CT83: variants seen among roughly 807,000 people sequenced by gnomAD.
The protein encoded by CT83 is kita-kyushu lung cancer antigen 1.
A neutral mutation model predicts 1.7 loss-of-function variants in CT83; 3 were observed. That is an observed-to-expected ratio of 1.76 (90% CI 0.80 to 4.55). The LOEUF (loss-of-function observed/expected upper bound fraction) is 4.55. Among genes scored for constraint, CT83 ranks in the 30% most tolerant of loss-of-function variants. The pLI is 0.02. For synonymous variants in CT83, 35 were observed against 33.0 expected (o/e 1.06, Z -0.20); for missense variants, 80 against 84.8 (o/e 0.94, Z 0.22).
chrX:116,461,716 C>T lies in CT83; in HGVS notation c.*25G>A. The T allele has an allele frequency of 6.7e-6, 8 of 1,199,522 alleles. No individual in the cohort carries two copies. Among genetic ancestry groups the T allele is most frequent in the Non-Finnish European group, 9.0e-6 (8 of 887,231 alleles). ...TCAAAGTGTCTTTAATGATTTCCAC[C>T]ACTGGCATTACATCCTGTACGCTTT... is the stretch of plus-strand genomic sequence containing the variant. On this transcript the variant is annotated 3_prime_UTR_variant, in exon 2 of 2. Coordinates refer to ENST00000371894, the MANE Select transcript of CT83 (RefSeq NM_001017978.4).
Position 116,461,914 on chromosome X carries a change from G to A in CT83, c.169C>T (p.Leu57Phe). The A allele has an allele frequency of 1.7e-6, 2 of 1,209,328 alleles. No individual in the cohort carries two copies. The highest frequency in any genetic ancestry group is 2.2e-6 in the Non-Finnish European group (2 of 893,309). The change falls in exon 2 of 2, where the codon CTT becomes TTT. Residue 57 changes from leucine to phenylalanine, a missense_variant. Coordinates refer to ENST00000371894, the MANE Select transcript of CT83 (RefSeq NM_001017978.4). ...GLINSNTDNN[L>F]AVYDLSRDIL... Reference sequence around the variant, plus strand: ...TCCCGAGAGAGGTCGTAGACTGCAAGATTGTTGTCTGTATTGCTGTTAATT... The same window carrying A: ...TCCCGAGAGAGGTCGTAGACTGCAAAATTGTTGTCTGTATTGCTGTTAATT...
chrX:116,461,700 C>A lies in CT83; in HGVS notation c.*41G>T. ...AATCAAATGAATCTACTCAAAGTGT[C>A]TTTAATGATTTCCACCACTGGCATT... On this transcript the variant is annotated 3_prime_UTR_variant, in exon 2 of 2. Transcript: ENST00000371894. The A allele has an allele frequency of 8.4e-7, 1 of 1,190,266 alleles. No homozygotes were observed. The highest frequency in any genetic ancestry group is 1.1e-6 in the Non-Finnish European group (1 of 880,035).
In CT83 at chrX:116,462,885, C is replaced by G. The variant is rs782586725; in HGVS notation, c.-29G>C. On this transcript the variant is annotated 5_prime_UTR_variant, in exon 1 of 2. Coordinates refer to ENST00000371894, the MANE Select transcript of CT83 (RefSeq NM_001017978.4). ...TCCTCTTCGGCCTCTTCTCCCTTCT[C>G]GGGACGGACCCCCTCAGCTGGTAGT... 8.4e-7 allele frequency: 1 copy of G among 1,185,502 alleles called. No individual in the cohort carries two copies. The highest frequency in any genetic ancestry group is 1.8e-5 in the African/African-American group (1 of 56,757).
At chrX:116,462,579 G>C (rs893767314) in intron 1 of CT83, among the ~76,000 whole-genome samples, 6 of 111,620 alleles carry the variant, frequency 5.4e-5, no homozygotes, top group Non-Finnish European at 7.5e-5. Context: ...GAAGAGACCA[G>C]AACTGTCGAA....
At chrX:116,462,721 C>A in intron 1 of CT83, 61 bp downstream of exon 1, 1 of 1,076,697 alleles carries the variant, frequency 9.3e-7, no homozygotes, top group South Asian at 1.9e-5. Flanking sequence ...CATATACACT[C>A]CCAAGTCCAT....
At chrX:116,462,655 A>C in intron 1 of CT83, 127 bp downstream of exon 1, 2 of 671,623 alleles carry the variant, frequency 3.0e-6, no homozygotes, top group Non-Finnish European at 4.7e-6. Flanking sequence ...TTGAGCGAAA[A>C]GGAGAGATGA....
Position 116,461,789 on chromosome X carries a change from T to C in CT83, c.294A>G (p.Leu98=), listed in dbSNP as rs1556695204. The change falls in exon 2 of 2, where the codon CTA becomes CTG. Residue 98 remains leucine, a synonymous_variant. Transcript: ENST00000371894. ...ATGCACCTCTGAAACCCTTGCTAAGTAGAGTATGTTCCAGTTCAACCAGCT... is the reference window on the plus strand; with the variant it reads ...ATGCACCTCTGAAACCCTTGCTAAGCAGAGTATGTTCCAGTTCAACCAGCT... The part of the protein sequence containing the change: ...ENKLVELEHT[L]LSKGFRGASP... 1 of 1,209,693 alleles carries C rather than the reference T, an allele frequency of 8.3e-7. No homozygotes were observed. The highest frequency in any genetic ancestry group is 1.8e-5 in the African/African-American group (1 of 57,137).
intron 1 of CT83, 90 bp from the exon 2 acceptor site, chrX:116,462,097 A>G (rs1342617508): frequency 6.8e-6 from 5 of 735,329 alleles, no homozygotes; most frequent in African/African-American, 2.1e-5. Flanking sequence ...CTTGGTCACC[A>G]AAATAAACTG....
Position 116,461,862 on chromosome X carries a change from A to G in CT83, c.221T>C (p.Ile74Thr), listed in dbSNP as rs782149102. The G allele has an allele frequency of 2.1e-5, 25 of 1,208,928 alleles. No individual in the cohort carries two copies. The highest frequency in any genetic ancestry group is 6.6e-5 in the Admixed American group (3 of 45,588). The change falls in exon 2 of 2, where the codon ATA (isoleucine) becomes ACA (threonine). Residue 74 changes from isoleucine to threonine, a missense_variant. Coordinates refer to ENST00000371894, the MANE Select transcript of CT83 (RefSeq NM_001017978.4). ...RDILNNFPHS[I>T]ARQKRILVNL... ...TACCAATATTCGCTTCTGCCTGGCT[A>G]TTGAGTGTGGGAAATTATTTAAAAT...
Position 116,461,899 on chromosome X carries a change from G to A in CT83, c.184C>T (p.Leu62Phe). The A allele has an allele frequency of 1.7e-6, 2 of 1,210,910 alleles. No homozygotes were observed. Among genetic ancestry groups the A allele is most frequent in the Non-Finnish European group, 2.2e-6 (2 of 894,890 alleles). Residue 62 changes from leucine to phenylalanine, a missense_variant, in exon 2 of 2, where the codon CTC becomes TTC. Physicochemically the swap from Leu to Phe is conservative, Grantham distance 22 (BLOSUM62 0). Transcript: ENST00000371894. ...NTDNNLAVYD[L>F]SRDILNNFPH... ...AAATTATTTAAAATATCCCGAGAGA[G>A]GTCGTAGACTGCAAGATTGTTGTCT... is the stretch of plus-strand genomic sequence containing the variant.
chrX:116,462,453 GAA>G (rs1928086649), intron 1 of CT83, among the ~76,000 whole-genome samples: 2 of 111,910 alleles, frequency 1.8e-5, no homozygotes, highest in Non-Finnish European at 3.8e-5. Context: ...AAGAAAGAGA[GAA>G]GGTAAGATTC....
chrX:116,461,847 C>T lies in CT83; in HGVS notation c.236G>A (p.Arg79Gln). 1.3e-5 allele frequency: 16 copies of T among 1,210,923 alleles called. No homozygotes were observed. Among genetic ancestry groups the T allele is most frequent in the Admixed American group, 2.2e-5 (1 of 45,959 alleles). The change falls in exon 2 of 2, where the codon CGA (arginine) becomes CAA (glutamine). Residue 79 changes from arginine (R) to glutamine (Q), a missense_variant. Coordinates refer to ENST00000371894, the MANE Select transcript of CT83 (RefSeq NM_001017978.4). ...NFPHSIARQKRILVNLSMVEN... is the reference protein window; with the variant it reads ...NFPHSIARQKQILVNLSMVEN... ...CACCATACTGAGGTTTACCAATATT[C>T]GCTTCTGCCTGGCTATTGAGTGTGG...
intron 1 of CT83, 80 bp downstream of exon 1, chrX:116,462,702 A>T: frequency 4.1e-6 from 4 of 965,011 alleles, no homozygotes; most frequent in Admixed American, 2.2e-5. Context: ...ACTGTATTTT[A>T]CTCTCTTACA....
Position 116,461,904 on chromosome X carries a change from T to A in CT83, c.179A>T (p.Tyr60Phe), listed in dbSNP as rs1556695224. ...ATTTAAAATATCCCGAGAGAGGTCG[T>A]AGACTGCAAGATTGTTGTCTGTATT... is the stretch of plus-strand genomic sequence containing the variant. ...NSNTDNNLAV[Y>F]DLSRDILNNF... The change falls in exon 2 of 2, where the codon TAC becomes TTC. Residue 60 changes from tyrosine to phenylalanine, a missense_variant. Coordinates refer to ENST00000371894, the MANE Select transcript of CT83 (RefSeq NM_001017978.4). 1 of 1,210,974 alleles carries A rather than the reference T, an allele frequency of 8.3e-7. No individual in the cohort carries two copies. The highest frequency in any genetic ancestry group is 1.7e-5 in the African/African-American group (1 of 57,731).
In CT83 at chrX:116,461,883, A is replaced by G; in HGVS notation, c.200T>C (p.Leu67Ser). The G allele has an allele frequency of 1.7e-6, 2 of 1,211,245 alleles. No individual in the cohort carries two copies. The highest frequency in any genetic ancestry group is 2.2e-6 in the Non-Finnish European group (2 of 895,256). Residue 67 changes from leucine (L) to serine (S), a missense_variant, in exon 2 of 2, where the codon TTA (leucine) becomes TCA (serine). Physicochemically the swap from Leu to Ser is moderately radical, Grantham distance 145. Coordinates refer to ENST00000371894, the MANE Select transcript of CT83 (RefSeq NM_001017978.4). The part of the protein sequence containing the change: ...LAVYDLSRDI[L>S]NNFPHSIARQ... ...GGCTATTGAGTGTGGGAAATTATTT[A>G]AAATATCCCGAGAGAGGTCGTAGAC...
At chrX:116,462,268 A>G (rs782401540) in intron 1 of CT83, among the ~76,000 whole-genome samples, 1 of 111,698 alleles carries the variant, frequency 9.0e-6, no homozygotes, top group Non-Finnish European at 1.9e-5. Context: ...AAAGCAGCCC[A>G]GTAGGTAAAC....
rs1556695211 is a variant in CT83 at position 116,461,821 on chromosome X, C to G, written c.262G>C (p.Glu88Gln). The stretch of plus-strand genomic sequence containing the variant: ...TGTTCCAGTTCAACCAGCTTGTTTT[C>G]CACCATACTGAGGTTTACCAATATT... ...KRILVNLSMV[E>Q]NKLVELEHTL... is the part of the protein sequence containing the mutation. Residue 88 changes from glutamate to glutamine, a missense_variant, in exon 2 of 2, where the codon GAA becomes CAA. By Grantham distance (29) the Glu-to-Gln change is conservative (BLOSUM62 2). Coordinates refer to ENST00000371894, the MANE Select transcript of CT83 (RefSeq NM_001017978.4). The G allele has an allele frequency of 8.3e-7, 1 of 1,210,556 alleles. No homozygotes were observed. The highest frequency in any genetic ancestry group is 2.2e-5 in the Admixed American group (1 of 45,977).
intron 1 of CT83, 47 bp downstream of exon 1, chrX:116,462,735 C>G: frequency 1.8e-6 from 2 of 1,133,355 alleles, no homozygotes; most frequent in Non-Finnish European, 1.2e-6. Flanking sequence ...AGTCCATATA[C>G]TCATCTAGCT....
chrX:116,462,485 G>C (rs983797801), intron 1 of CT83, among the ~76,000 whole-genome samples: 2 of 111,739 alleles, frequency 1.8e-5, no homozygotes, highest in Admixed American at 9.5e-5. Flanking sequence ...AGAGATGGTG[G>C]TGGGGAATGG....
Sources: gnomAD v4.1 joint callset for allele counts (sites outside exome capture counted in the v4.1 genomes callset) on GRCh38, gnomAD v4.1.1 for gene constraint, MANE v1.5 for transcripts, NCBI Gene and HGNC (gene_info 2026-07-23, HGNC 2026-07-21) for gene names.